Variants in TMEM232 observed in about 807,000 individuals in gnomAD.
The protein encoded by TMEM232 is transmembrane protein 232.
Under a neutral mutation model 78.8 loss-of-function variants are expected in TMEM232, and 80 were observed. The ratio of observed to expected loss-of-function variants is 1.01; its 90% confidence interval spans 0.85 to 1.22. TMEM232 has a LOEUF of 1.22. TMEM232 is among the 50% of genes most tolerant of loss of function. TMEM232 has a pLI of 0.00. For synonymous variants in TMEM232, 297 were observed against 254.3 expected (o/e 1.17, Z -1.60); for missense variants, 881 against 742.2 (o/e 1.19, Z -2.17).
chr5:110,595,114 G>C (rs1297839148), intron 10 of TMEM232, among the ~76,000 whole-genome samples: 1 of 152,180 alleles, frequency 6.6e-6, no homozygotes, highest in Admixed American at 6.5e-5. Flanking sequence ...GCTTCTGCTG[G>C]TGATACCCAG....
intron 1 of TMEM232, among the ~76,000 whole-genome samples, chr5:110,687,981 A>G (rs991726993): frequency 3.3e-5 from 5 of 152,190 alleles, no homozygotes; most frequent in Non-Finnish European, 7.3e-5. Flanking sequence ...AAAGAGAAGT[A>G]GAGACATATA....
At chr5:110,738,488 T>C (rs1230435118), upstream of TMEM232, among the ~76,000 whole-genome samples, 1 of 152,178 alleles carries the variant, frequency 6.6e-6, no homozygotes, top group Non-Finnish European at 1.5e-5. Context: ...ACTTTTAAAA[T>C]GCTTGCTCTG....
intron 10 of TMEM232, among the ~76,000 whole-genome samples, chr5:110,582,395 A>AAT (rs1207330377): frequency 6.6e-6 from 1 of 151,966 alleles, no homozygotes; most frequent in African/African-American, 2.4e-5. Context: ...ATCCCAAGCA[A>AAT]ATTAATATAG....
chr5:110,695,727 A>G (rs1170299633), intron 1 of TMEM232, among the ~76,000 whole-genome samples: 1 of 152,226 alleles, frequency 6.6e-6, no homozygotes, highest in African/African-American at 2.4e-5. Context: ...TCCTCGACAC[A>G]TACACCCTCC....
At chr5:110,704,109 T>C (rs1459230727) in intron 1 of TMEM232, among the ~76,000 whole-genome samples, 2 of 152,056 alleles carry the variant, frequency 1.3e-5, no homozygotes. Flanking sequence ...AAAGCTAAAT[T>C]GATAAAACTC....
At chr5:110,673,855 A>C (rs1295456427) in intron 1 of TMEM232, among the ~76,000 whole-genome samples, 1 of 152,202 alleles carries the variant, frequency 6.6e-6, no homozygotes, top group Non-Finnish European at 1.5e-5. Flanking sequence ...CCTTTAATTC[A>C]GATTGTATAC....
chr5:110,530,039 A>G (rs1047318336), intron 11 of TMEM232, among the ~76,000 whole-genome samples: 18 of 152,166 alleles, frequency 1.2e-4, no homozygotes, highest in Non-Finnish European at 2.4e-4. Context: ...CAATCTTGCG[A>G]TAGGAAAGAC....
chr5:110,488,323 A>G (rs1764683423), intron 12 of TMEM232, among the ~76,000 whole-genome samples: 2 of 152,008 alleles, frequency 1.3e-5, no homozygotes, highest in Admixed American at 1.3e-4. Flanking sequence ...AGGATAAACC[A>G]TATGGCAGGC....
intron 1 of TMEM232, among the ~76,000 whole-genome samples, chr5:110,692,769 G>T (rs1393327964): frequency 6.6e-6 from 1 of 152,206 alleles, no homozygotes; most frequent in Admixed American, 6.5e-5. Flanking sequence ...GCCTGCCATT[G>T]CCAAGGCTTG....
intron 2 of TMEM232, among the ~76,000 whole-genome samples, chr5:110,652,294 G>GTGCGCACACACACACACACACACA: frequency 6.9e-6 from 1 of 145,452 alleles, no homozygotes; most frequent in Admixed American, 6.9e-5. Flanking sequence ...GCACGCGCGC[G>GTGCGCACACACACACACACACACA]CACACACACA....
intron 12 of TMEM232, among the ~76,000 whole-genome samples, chr5:110,482,398 T>C (rs1210088846): frequency 2.6e-5 from 4 of 151,996 alleles, no homozygotes; most frequent in African/African-American, 9.7e-5. Flanking sequence ...CTGGCCAACA[T>C]GGCAAAACCC....
intron 12 of TMEM232, among the ~76,000 whole-genome samples, chr5:110,514,617 C>T (rs953700793): frequency 6.6e-6 from 1 of 151,938 alleles, no homozygotes; most frequent in Admixed American, 6.6e-5. Context: ...AGAAAAAAAA[C>T]CTATAAAATA....
intron 2 of TMEM232, among the ~76,000 whole-genome samples, chr5:110,399,117 C>T (rs1314159793): frequency 6.6e-6 from 1 of 151,630 alleles, no homozygotes; most frequent in Non-Finnish European, 1.5e-5. Context: ...CCCTGAATGA[C>T]ACACCATCTA....
intron 1 of TMEM232, among the ~76,000 whole-genome samples, chr5:110,677,178 T>C (rs1792130794): frequency 1.3e-5 from 2 of 152,208 alleles, no homozygotes; most frequent in Admixed American, 6.5e-5. Flanking sequence ...CTATTGGCCA[T>C]TTGTGTATCT....
At chr5:110,640,819 G>T (rs1786578001) in intron 4 of TMEM232, 72 bp downstream of exon 4, 1 of 1,080,190 alleles carries the variant, frequency 9.3e-7, no homozygotes, top group Non-Finnish European at 1.2e-6. Flanking sequence ...AAAAATTAAA[G>T]TTCTCAAATT....
At chr5:110,416,664 T>C (rs1756226463), downstream of TMEM232, among the ~76,000 whole-genome samples, 1 of 152,170 alleles carries the variant, frequency 6.6e-6, no homozygotes, top group East Asian at 1.9e-4. Context: ...AGAAAATAAT[T>C]AACTAGTAGA....
intron 1 of TMEM232, among the ~76,000 whole-genome samples, chr5:110,701,607 CAT>C (rs1491429156): frequency 1.3e-5 from 2 of 152,010 alleles, no homozygotes; most frequent in Non-Finnish European, 2.9e-5. Context: ...AATTAATTTA[CAT>C]ATGTTTCTTT....
intron 10 of TMEM232, among the ~76,000 whole-genome samples, chr5:110,578,284 A>T (rs1476793864): frequency 6.6e-6 from 1 of 152,024 alleles, no homozygotes; most frequent in Non-Finnish European, 1.5e-5. Flanking sequence ...TAATTCTCAC[A>T]GATTTCTGTA....
intron 2 of TMEM232, among the ~76,000 whole-genome samples, chr5:110,731,922 T>C (rs1253744314): frequency 6.6e-6 from 1 of 152,202 alleles, no homozygotes; most frequent in African/African-American, 2.4e-5. Flanking sequence ...GGCTGCAAAT[T>C]TTCTGAACTT....
Sources: allele counts gnomAD v4.1 joint callset (sites outside exome capture counted in the v4.1 genomes callset), GRCh38; gene constraint gnomAD v4.1.1; transcripts MANE v1.5; gene names NCBI Gene and HGNC (gene_info 2026-07-23, HGNC 2026-07-21).